The following MMRN1 variants were observed in gnomAD, a reference collection of about 807,000 sequenced individuals.
The protein encoded by MMRN1 is multimerin 1, also known as multimerin-1.
MMRN1 carries 94 observed loss-of-function variants against 100.7 expected under a neutral mutation model. That is an observed-to-expected ratio of 0.93 (90% confidence interval 0.79 to 1.11). MMRN1 has a LOEUF of 1.11. Ranked by LOEUF, MMRN1 falls within the 50% of genes least tolerant of loss-of-function variation. The pLI is 0.00. For missense variants in MMRN1, 1,606 were observed against 1,439.1 expected (o/e 1.12, Z -1.88); for synonymous variants, 575 against 505.0 (o/e 1.14, Z -1.86).
chr4:89,951,157 G>A (rs554160916), intron 6 of MMRN1, among the ~76,000 whole-genome samples: 1 of 151,186 alleles, frequency 6.6e-6, no homozygotes, highest in South Asian at 2.1e-4. Flanking sequence ...CAATCATATT[G>A]GTTTTTTTAT....
At chr4:89,917,793 T>C (rs946233104) in intron 3 of MMRN1, among the ~76,000 whole-genome samples, 1 of 151,890 alleles carries the variant, frequency 6.6e-6, no homozygotes, top group Non-Finnish European at 1.5e-5. Flanking sequence ...GTAATTTTAT[T>C]AACATCAGTT....
chr4:89,889,898 C>G (rs1372511), upstream of MMRN1, among the ~76,000 whole-genome samples: 26,521 of 152,086 alleles, frequency 0.17, 3,929 homozygotes, highest in African/African-American at 0.4. Context: ...CCCACCCCTG[C>G]ATTTCTATAC....
intron 6 of MMRN1, among the ~76,000 whole-genome samples, chr4:89,940,264 T>C (rs1252010452): frequency 6.6e-6 from 1 of 152,148 alleles, no homozygotes; most frequent in Non-Finnish European, 1.5e-5. Context: ...GCTGAGCATG[T>C]GCACCTCCTG....
At chr4:89,922,812 TATAAGAATG>T (rs1290313476) in intron 3 of MMRN1, among the ~76,000 whole-genome samples, 2 of 152,204 alleles carry the variant, frequency 1.3e-5, no homozygotes, top group Non-Finnish European at 2.9e-5. Flanking sequence ...GCAGTCCACT[TATAAGAATG>T]CTATAGCTTT....
chr4:89,931,448 C>G (rs1722431132), intron 5 of MMRN1, among the ~76,000 whole-genome samples: 2 of 151,790 alleles, frequency 1.3e-5, no homozygotes, highest in African/African-American at 4.8e-5. Flanking sequence ...TGGCAATATC[C>G]CATTGTACAG....
At chr4:89,914,171 T>C (rs1721841794) in intron 3 of MMRN1, among the ~76,000 whole-genome samples, 1 of 151,434 alleles carries the variant, frequency 6.6e-6, no homozygotes, top group Non-Finnish European at 1.5e-5. Context: ...TAGGAAGATC[T>C]TCTAAATATG....
chr4:89,893,250 G>C (rs1721094619), upstream of MMRN1, among the ~76,000 whole-genome samples: 1 of 152,096 alleles, frequency 6.6e-6, no homozygotes, highest in East Asian at 1.9e-4. Flanking sequence ...AGAAACGGAT[G>C]CTTTTTACTC....
At chr4:89,948,694 C>T (rs1192662700) in intron 6 of MMRN1, among the ~76,000 whole-genome samples, 1 of 152,052 alleles carries the variant, frequency 6.6e-6, no homozygotes, top group Non-Finnish European at 1.5e-5. Flanking sequence ...GTTCTGGGTG[C>T]CATGGACATG....
In MMRN1 at chr4:89,935,605, T is replaced by C. The variant is rs1476029496; in HGVS notation, c.1925T>C (p.Leu642Ser). 6.2e-7 allele frequency: 1 copy of C among 1,613,448 alleles called. No individual in the cohort carries two copies. The highest frequency in any genetic ancestry group is 8.5e-7 in the Non-Finnish European group (1 of 1,179,736). Residue 642 changes from leucine (L) to serine (S), a missense_variant, in exon 6 of 8, where the codon TTG (leucine) becomes TCG (serine). Leu to Ser is a moderately radical substitution (Grantham distance 145, BLOSUM62 -2). Transcript: ENST00000264790. ...AAAATGAGTGAGCAACTAAATGATT[T>C]GACTTATGATATGGAGATCCTTCAA... ...MDKMSEQLND[L>S]TYDMEILQPL...
At position 89,909,075 on chromosome 4, in the gene MMRN1, T is replaced by C. The variant is rs1190353520; in HGVS notation, c.624-201T>C. On this transcript the variant is annotated intron_variant, in intron 1 of 7. Coordinates refer to ENST00000264790, the MANE Select transcript of MMRN1 (RefSeq NM_007351.3). ...TTCTTTATTTTGATCTTGTTAGTGT[T>C]TCCTTATAGTCCCTGAGTACAGCAA... Among the ~76,000 whole-genome samples, 4 of 151,624 alleles carry C rather than the reference T, an allele frequency of 2.6e-5. No individual in the cohort carries two copies. The East Asian group carries it at 7.8e-4, about 29-fold the overall frequency.
At chr4:89,916,706 A>G (rs952129077) in intron 3 of MMRN1, among the ~76,000 whole-genome samples, 2 of 150,814 alleles carry the variant, frequency 1.3e-5, no homozygotes, top group Middle Eastern at 3.2e-3. Context: ...CAGCTTTTCA[A>G]TTTACTCTCT....
intron 6 of MMRN1, 80 bp from the exon 7 acceptor site, chr4:89,951,525 C>A: frequency 7.3e-7 from 1 of 1,371,900 alleles, no homozygotes; most frequent in Non-Finnish European, 9.6e-7. Context: ...TTTTCCTATT[C>A]TGCTGCAAAC....
At chr4:89,880,005 C>A (rs755932810) in intron 1 of MMRN1, among the ~76,000 whole-genome samples, 2 of 152,202 alleles carry the variant, frequency 1.3e-5, no homozygotes, top group African/African-American at 2.4e-5. Flanking sequence ...GATATTCTGA[C>A]TGCTCTGGGT....
At chr4:89,946,913 T>TA (rs909723769) in intron 6 of MMRN1, among the ~76,000 whole-genome samples, 11 of 151,720 alleles carry the variant, frequency 7.3e-5, no homozygotes, top group East Asian at 1.9e-4. Context: ...TGATCTCCAT[T>TA]AAAAAAAATG....
At chr4:89,934,752 A>T in intron 5 of MMRN1, 58 bp from the exon 6 acceptor site, 1 of 973,476 alleles carries the variant, frequency 1.0e-6, no homozygotes, top group Non-Finnish European at 1.4e-6. Flanking sequence ...TATCTTTTAG[A>T]GATGCTTAAA....
At chr4:89,923,012 T>C (rs1722138264) in intron 3 of MMRN1, among the ~76,000 whole-genome samples, 156 bp from the exon 4 acceptor site, 1 of 152,190 alleles carries the variant, frequency 6.6e-6, no homozygotes, top group Non-Finnish European at 1.5e-5. Flanking sequence ...CATTGCCCTA[T>C]GGTTGGGGGC....
intron 1 of MMRN1, among the ~76,000 whole-genome samples, chr4:89,906,303 A>G (rs1358418670): frequency 3.3e-5 from 5 of 151,606 alleles, no homozygotes; most frequent in Non-Finnish European, 7.4e-5. Flanking sequence ...TTATATGTTC[A>G]ACAAGCTAGG....
At chr4:89,907,823 T>A (rs1431970599) in intron 1 of MMRN1, among the ~76,000 whole-genome samples, 1 of 132,426 alleles carries the variant, frequency 7.6e-6, no homozygotes, top group African/African-American at 3.1e-5. Flanking sequence ...TCATGCCTGT[T>A]TTTTTGTTTT....
intron 1 of MMRN1, among the ~76,000 whole-genome samples, chr4:89,898,043 T>A (rs1162652424): frequency 1.3e-5 from 2 of 152,124 alleles, no homozygotes; most frequent in East Asian, 3.9e-4. Flanking sequence ...CTTTTAGTAA[T>A]CCTTTCCATT....
Sources: allele counts gnomAD v4.1 joint callset (sites outside exome capture counted in the v4.1 genomes callset), GRCh38; gene constraint gnomAD v4.1.1; transcripts MANE v1.5; gene names NCBI Gene and HGNC (gene_info 2026-07-23, HGNC 2026-07-21).